DLG2: variants seen among roughly 807,000 people sequenced by gnomAD.
DLG2 encodes the protein disks large homolog 2.
DLG2 carries 45 observed loss-of-function variants against 132.5 expected under a neutral mutation model. The observed-to-expected ratio is 0.34, with a 90% CI of 0.27 to 0.44. The LOEUF is 0.44. DLG2 is among the 20% of genes least tolerant of loss of function. The probability of loss-of-function intolerance (pLI) is 1.00; values close to 1 mark genes in which losing one functional copy is unlikely to be tolerated. For synonymous variants in DLG2, 424 were observed against 419.6 expected (o/e 1.01, Z -0.13); for missense variants, 1,045 against 1,196.9 (o/e 0.87, Z 1.87).
intron 6 of DLG2, among the ~76,000 whole-genome samples, chr11:85,003,094 G>T (rs1037426601): frequency 6.6e-6 from 1 of 151,902 alleles, no homozygotes; most frequent in Non-Finnish European, 1.5e-5. Context: ...ATTTTACATG[G>T]CATGGGGGAT....
intron 18 of DLG2, among the ~76,000 whole-genome samples, chr11:83,647,281 G>A (rs972099262): frequency 1.6e-4 from 24 of 151,794 alleles, no homozygotes; most frequent in Non-Finnish European, 3.2e-4. Context: ...GGGTGGGGGC[G>A]GGGGTATGTC....
chr11:85,521,166 A>G (rs979704), intron 3 of DLG2, among the ~76,000 whole-genome samples: 51,885 of 152,024 alleles, frequency 0.34, 9,418 homozygotes, highest in East Asian at 0.43. Flanking sequence ...AATCCTAATT[A>G]TAATCCCCAT....
At chr11:84,219,730 C>T (rs749893642) in intron 8 of DLG2, among the ~76,000 whole-genome samples, 6 of 152,134 alleles carry the variant, frequency 3.9e-5, no homozygotes, top group African/African-American at 1.2e-4. Flanking sequence ...TACATATGTG[C>T]GCCTGCACAG....
chr11:85,482,952 T>C (rs2093334288), intron 3 of DLG2, among the ~76,000 whole-genome samples: 1 of 152,190 alleles, frequency 6.6e-6, no homozygotes, highest in African/African-American at 2.4e-5. Context: ...ATATAAGATA[T>C]CTGATATATA....
At chr11:85,493,636 C>A (rs2093610437) in intron 3 of DLG2, among the ~76,000 whole-genome samples, 1 of 150,618 alleles carries the variant, frequency 6.6e-6, no homozygotes, top group Non-Finnish European at 1.5e-5. Flanking sequence ...TGCCCCTGCA[C>A]TGCAGCCTGG....
intron 14 of DLG2, among the ~76,000 whole-genome samples, chr11:83,938,586 G>T (rs73508297): frequency 1.3e-5 from 2 of 152,292 alleles, no homozygotes; most frequent in African/African-American, 4.8e-5. Context: ...CTTCCTACTA[G>T]TTGGAATTAA....
At chr11:83,656,077 G>T (rs1450070452) in intron 18 of DLG2, among the ~76,000 whole-genome samples, 1 of 152,202 alleles carries the variant, frequency 6.6e-6, no homozygotes, top group Non-Finnish European at 1.5e-5. Context: ...GATTACGCAG[G>T]TCAGGGAACA....
chr11:85,386,887 C>CTTTCTTTTTTT (rs1222479242), intron 3 of DLG2, among the ~76,000 whole-genome samples: 3 of 149,944 alleles, frequency 2.0e-5, no homozygotes, highest in East Asian at 3.9e-4. Context: ...AAAGAATATC[C>CTTTCTTTTTTT]TTTCTTTTTT....
chr11:85,608,973 G>A (rs1405571819), intron 2 of DLG2, among the ~76,000 whole-genome samples: 2 of 152,122 alleles, frequency 1.3e-5, no homozygotes, highest in Admixed American at 6.6e-5. Flanking sequence ...TGACAGCTGA[G>A]GAAAGGGACA....
chr11:83,895,941 A>G (rs1274097428), intron 15 of DLG2, among the ~76,000 whole-genome samples: 7 of 152,204 alleles, frequency 4.6e-5, no homozygotes, highest in Non-Finnish European at 1.0e-4. Flanking sequence ...GAACACTGTA[A>G]TGCTAGTTAT....
intron 7 of DLG2, among the ~76,000 whole-genome samples, chr11:84,381,735 G>A (rs969851965): frequency 3.9e-5 from 6 of 152,072 alleles, no homozygotes; most frequent in Non-Finnish European, 5.9e-5. Flanking sequence ...TATAAACAAC[G>A]AACTCTGATT....
chr11:85,385,181 A>G (rs1167901919), intron 3 of DLG2, among the ~76,000 whole-genome samples: 2 of 152,198 alleles, frequency 1.3e-5, no homozygotes, highest in Non-Finnish European at 2.9e-5. Context: ...ACTGTAAAAA[A>G]TAAATGAATG....
chr11:83,870,242 C>T (rs914864263), intron 16 of DLG2, among the ~76,000 whole-genome samples: 3 of 152,176 alleles, frequency 2.0e-5, no homozygotes, highest in African/African-American at 7.2e-5. Context: ...GAATAATGTA[C>T]ATTTTACCCA....
At chr11:84,162,323 T>C (rs1312512569) in intron 9 of DLG2, among the ~76,000 whole-genome samples, 1 of 151,908 alleles carries the variant, frequency 6.6e-6, no homozygotes, top group Admixed American at 6.6e-5. Flanking sequence ...TATGTATATA[T>C]ATTATATTAT....
intron 10 of DLG2, among the ~76,000 whole-genome samples, chr11:84,081,924 C>A (rs530348925): frequency 3.0e-4 from 45 of 152,318 alleles, no homozygotes; most frequent in Admixed American, 1.8e-3. Context: ...AACTAGTTTA[C>A]ACTGCCACCA....
chr11:85,483,905 A>C (rs978333690), intron 3 of DLG2, among the ~76,000 whole-genome samples: 3 of 151,532 alleles, frequency 2.0e-5, no homozygotes, highest in Non-Finnish European at 4.4e-5. Flanking sequence ...AAAAAAAAAA[A>C]AAAGAATAAT....
intron 7 of DLG2, among the ~76,000 whole-genome samples, chr11:84,480,076 G>A (rs776413805): frequency 6.6e-6 from 1 of 151,798 alleles, no homozygotes. Flanking sequence ...CATTCTTCTC[G>A]TCATATTATT....
At chr11:85,535,142 G>A (rs914568087) in intron 3 of DLG2, among the ~76,000 whole-genome samples, 2 of 152,172 alleles carry the variant, frequency 1.3e-5, no homozygotes, top group African/African-American at 2.4e-5. Flanking sequence ...TCATAGCAAA[G>A]TATGATAGGA....
chr11:84,622,965 T>A (rs2154541759), intron 6 of DLG2, among the ~76,000 whole-genome samples: 1 of 152,264 alleles, frequency 6.6e-6, no homozygotes. Context: ...ATCCCTTACA[T>A]CAACTTCCTC....
Sources: gnomAD v4.1 joint callset for allele counts (sites outside exome capture counted in the v4.1 genomes callset) on GRCh38, gnomAD v4.1.1 for gene constraint, MANE v1.5 for transcripts, NCBI Gene and HGNC (gene_info 2026-07-23, HGNC 2026-07-21) for gene names.